Variants in PRPSAP2 observed in about 807,000 individuals in gnomAD.
The protein encoded by PRPSAP2 is phosphoribosyl pyrophosphate synthetase associated protein 2.
PRPSAP2 carries 24 observed loss-of-function variants against 40.6 expected under a neutral mutation model. That is an observed-to-expected ratio of 0.59 (90% CI 0.43 to 0.83). The LOEUF (loss-of-function observed/expected upper bound fraction) is 0.83, where lower values mean the gene tolerates loss of function less well. Among genes scored for constraint, PRPSAP2 ranks in the 40% least tolerant of loss-of-function variants. PRPSAP2 has a pLI of 0.00. For synonymous variants in PRPSAP2, 149 were observed against 164.7 expected (o/e 0.90, Z 0.73); for missense variants, 292 against 465.6 (o/e 0.63, Z 3.43).
chr17:18,877,127 C>A (rs1345262222), intron 5 of PRPSAP2, among the ~76,000 whole-genome samples: 1 of 152,144 alleles, frequency 6.6e-6, no homozygotes, highest in Non-Finnish European at 1.5e-5. Flanking sequence ...ATTCTGGAAG[C>A]CAAGTGACCG....
chr17:18,924,526 T>C (rs1269397421), intron 10 of PRPSAP2, among the ~76,000 whole-genome samples: 3 of 151,752 alleles, frequency 2.0e-5, no homozygotes, highest in Non-Finnish European at 4.4e-5. Flanking sequence ...CCCAGCACTT[T>C]GGGACGCCAA....
At chr17:18,894,839 G>A (rs1241872445) in intron 8 of PRPSAP2, among the ~76,000 whole-genome samples, 2 of 152,104 alleles carry the variant, frequency 1.3e-5, no homozygotes, top group Admixed American at 6.6e-5. Context: ...TCAATATTGT[G>A]TTGGCTATTT....
chr17:18,929,547 T>C (rs2042152711), intron 11 of PRPSAP2: 1 of 152,272 alleles, frequency 6.6e-6, no homozygotes. Context: ...GAACCACTAA[T>C]CTGCTTTCTG....
intron 6 of PRPSAP2, among the ~76,000 whole-genome samples, chr17:18,879,245 A>G (rs1423264857): frequency 6.6e-6 from 1 of 151,602 alleles, no homozygotes; most frequent in African/African-American, 2.4e-5. Context: ...TCCCCATATC[A>G]CTGCATTTTA....
chr17:18,882,592 A>T lies in PRPSAP2; in HGVS notation c.437A>T (p.Asp146Val). ...KAGLTHLITM[D>V]LHQKEIQGFF... ...GGTCTAACTCATCTTATTACTATGG[A>T]TTTACACCAGAAGGAAATTCAGGGC... Residue 146 changes from aspartate (D) to valine (V), a missense_variant, in exon 7 of 12, where the codon GAT (aspartate) becomes GTT (valine). Around this residue, in one of 2 missense-constraint regions of PRPSAP2, gnomAD observed 241 missense variants for 425.7 expected, o/e 0.57. Transcript: ENST00000268835. The T allele has an allele frequency of 6.3e-7, 1 of 1,589,776 alleles. No homozygotes were observed. Among genetic ancestry groups the T allele is most frequent in the Non-Finnish European group, 8.6e-7 (1 of 1,158,048 alleles).
At chr17:18,878,009 C>CTCCT (rs1170950049) in intron 6 of PRPSAP2, 139 bp downstream of exon 6, 1 of 896,720 alleles carries the variant, frequency 1.1e-6, no homozygotes, top group Admixed American at 2.9e-5. Flanking sequence ...GCAACTTGAA[C>CTCCT]TCCTACAGTC....
intron 10 of PRPSAP2, among the ~76,000 whole-genome samples, chr17:18,926,626 T>C (rs2041992305): frequency 6.6e-6 from 1 of 152,128 alleles, no homozygotes; most frequent in Non-Finnish European, 1.5e-5. Flanking sequence ...CCACAGGAAG[T>C]AGGGGGCAAT....
intron 4 of PRPSAP2, among the ~76,000 whole-genome samples, chr17:18,870,852 A>T (rs2151891773): frequency 6.6e-6 from 1 of 151,968 alleles, no homozygotes. Flanking sequence ...TAACTTAACA[A>T]TTAAGGACAA....
At chr17:18,870,912 A>G (rs1048369151) in intron 4 of PRPSAP2, among the ~76,000 whole-genome samples, 1 of 152,144 alleles carries the variant, frequency 6.6e-6, no homozygotes, top group African/African-American at 2.4e-5. Flanking sequence ...TGGCCTCCCA[A>G]AGTGCTGGGA....
At chr17:18,915,371 C>G (rs1345928799) in intron 9 of PRPSAP2, among the ~76,000 whole-genome samples, 1 of 152,134 alleles carries the variant, frequency 6.6e-6, no homozygotes, top group Admixed American at 6.6e-5. Flanking sequence ...CCACTTAGAT[C>G]ATTTCTAAGA....
At chr17:18,882,759 C>A in intron 7 of PRPSAP2, 76 bp downstream of exon 7, 3 of 937,930 alleles carry the variant, frequency 3.2e-6, no homozygotes, top group Non-Finnish European at 5.1e-6. Flanking sequence ...CTTAGGATAC[C>A]CCTAAAGGAT....
rs1238354476 is a variant in PRPSAP2, at chr17:18,877,890, C to T, written c.412+20C>T. 1 of 1,571,256 alleles carries T rather than the reference C, an allele frequency of 6.4e-7. No homozygotes were observed. The highest frequency in any genetic ancestry group is 8.6e-7 in the Non-Finnish European group (1 of 1,158,060). On this transcript the variant is annotated intron_variant, in intron 6 of 11. Coordinates refer to ENST00000268835, the MANE Select transcript of PRPSAP2 (RefSeq NM_002767.4). ...AAGCTGGTAAGAATGGCAGATGTTTCACAATTAATTGGGGGCCTGGGAGTT... is the reference window on the plus strand; with the variant it reads ...AAGCTGGTAAGAATGGCAGATGTTTTACAATTAATTGGGGGCCTGGGAGTT...
At chr17:18,923,822 T>C in intron 9 of PRPSAP2, 92 bp from the exon 10 acceptor site, 1 of 1,160,642 alleles carries the variant, frequency 8.6e-7, no homozygotes, top group Non-Finnish European at 1.2e-6. Flanking sequence ...CCTAGTTGGT[T>C]GAATGTTTTT....
chr17:18,874,271 G>A (rs2038110585), intron 5 of PRPSAP2, among the ~76,000 whole-genome samples: 1 of 152,108 alleles, frequency 6.6e-6, no homozygotes, highest in Admixed American at 6.5e-5. Flanking sequence ...ATGCTTCTGT[G>A]TATGAAGTTC....
intron 9 of PRPSAP2, 111 bp from the exon 10 acceptor site, chr17:18,923,803 C>T (rs2041826810): frequency 3.1e-6 from 3 of 970,726 alleles, no homozygotes; most frequent in South Asian, 1.9e-5. Flanking sequence ...GAGGAAATTC[C>T]CTTGTATTCC....
At chr17:18,885,429 A>AAAAAAAAAAAAAAAAAAAT (rs59891086) in intron 7 of PRPSAP2, among the ~76,000 whole-genome samples, 1 of 109,274 alleles carries the variant, frequency 9.2e-6, no homozygotes, top group Non-Finnish European at 1.9e-5. Flanking sequence ...AAAAAAAAAA[A>AAAAAAAAAAAAAAAAAAAT]TTAATATGTG....
At chr17:18,882,799 C>G in intron 7 of PRPSAP2, 116 bp downstream of exon 7, 2 of 674,466 alleles carry the variant, frequency 3.0e-6, no homozygotes, top group East Asian at 5.0e-5. Flanking sequence ...CTTAAAGTAC[C>G]ATTATACTTT....
chr17:18,889,499 T>C (rs2039401580), intron 7 of PRPSAP2, among the ~76,000 whole-genome samples: 1 of 152,206 alleles, frequency 6.6e-6, no homozygotes, highest in African/African-American at 2.4e-5. Context: ...TTGGATATCC[T>C]TGTACTTTGA....
At chr17:18,872,875 C>T (rs1302796852) in intron 5 of PRPSAP2, among the ~76,000 whole-genome samples, 1 of 151,674 alleles carries the variant, frequency 6.6e-6, no homozygotes. Context: ...CAAAGTCCCA[C>T]TCCTTCACCC....
Sources: gnomAD v4.1 joint callset for allele counts (sites outside exome capture counted in the v4.1 genomes callset) on GRCh38, gnomAD v4.1.1 for gene constraint, gnomAD v4.1.1 regional missense constraint, MANE v1.5 for transcripts, NCBI Gene and HGNC (gene_info 2026-07-23, HGNC 2026-07-21) for gene names.